Variants in MAL2 observed in about 807,000 individuals in gnomAD.
MAL2 encodes the protein protein MAL2.
A neutral mutation model predicts 18.1 loss-of-function variants in MAL2; 17 were observed. That is an observed-to-expected ratio of 0.94 (90% CI 0.64 to 1.41). MAL2 has a LOEUF of 1.41. Among genes scored for constraint, MAL2 ranks in the 40% most tolerant of loss-of-function variants. The pLI, the probability that MAL2 is intolerant of heterozygous loss-of-function variation, is 0.00. For missense variants in MAL2, 222 were observed against 231.9 expected, an observed-to-expected ratio of 0.96 and a Z score of 0.28; for synonymous variants, 102 against 102.3, an observed-to-expected ratio of 1.00 and a Z score of 0.02.
intron 2 of MAL2, 98 bp from the exon 3 acceptor site, chr8:119,240,067 A>T: frequency 8.0e-7 from 1 of 1,244,086 alleles, no homozygotes; most frequent in Non-Finnish European, 1.1e-6. Context: ...TGTTTAATTA[A>T]ATGTTTTGAT....
intron 2 of MAL2, among the ~76,000 whole-genome samples, chr8:119,229,287 T>C (rs1160913577): frequency 4.0e-5 from 6 of 150,244 alleles, no homozygotes; most frequent in Non-Finnish European, 8.9e-5. Flanking sequence ...TGATCATCAG[T>C]CTATGTATAT....
intron 3 of MAL2, among the ~76,000 whole-genome samples, chr8:119,241,484 C>G (rs924477963): frequency 2.1e-5 from 3 of 145,690 alleles, no homozygotes; most frequent in African/African-American, 8.4e-5. Flanking sequence ...GACCAAGACT[C>G]TGGTCGGGGG....
chr8:119,214,909 G>T (rs1267017035), intron 1 of MAL2, among the ~76,000 whole-genome samples: 1 of 152,154 alleles, frequency 6.6e-6, no homozygotes, highest in Admixed American at 6.5e-5. Context: ...ACACCTTGCT[G>T]CCTTGCATCT....
At chr8:119,230,284 A>C (rs1211348915) in intron 2 of MAL2, among the ~76,000 whole-genome samples, 1 of 152,192 alleles carries the variant, frequency 6.6e-6, no homozygotes, top group Non-Finnish European at 1.5e-5. Context: ...GGATGACCCA[A>C]GCATATGGAG....
intron 2 of MAL2, among the ~76,000 whole-genome samples, chr8:119,226,945 C>T (rs1401842452): frequency 6.6e-6 from 1 of 152,114 alleles, no homozygotes; most frequent in Non-Finnish European, 1.5e-5. Flanking sequence ...TGTGGAAGAC[C>T]TTCTTAACAC....
chr8:119,235,002 A>T (rs1308210649), intron 2 of MAL2, among the ~76,000 whole-genome samples: 1 of 152,000 alleles, frequency 6.6e-6, no homozygotes, highest in Non-Finnish European at 1.5e-5. Context: ...CAGACGATCA[A>T]ATTACTCTGA....
At chr8:119,225,009 T>G (rs1453834558) in intron 2 of MAL2, among the ~76,000 whole-genome samples, 1 of 152,164 alleles carries the variant, frequency 6.6e-6, no homozygotes, top group African/African-American at 2.4e-5. Flanking sequence ...GTCATCCATT[T>G]TTCTTGCTGC....
intron 2 of MAL2, among the ~76,000 whole-genome samples, chr8:119,224,596 A>ATGAAT (rs1354218309): frequency 6.6e-6 from 1 of 151,982 alleles, no homozygotes; most frequent in African/African-American, 2.4e-5. Flanking sequence ...TATTACATGA[A>ATGAAT]TGAATTGCAT....
chr8:119,239,969 A>G (rs1178319638), intron 2 of MAL2, among the ~76,000 whole-genome samples, 196 bp from the exon 3 acceptor site: 4 of 152,220 alleles, frequency 2.6e-5, no homozygotes, highest in East Asian at 1.9e-4. Context: ...CAATGTGCCA[A>G]TTAAGATGGG....
chr8:119,240,416 A>G (rs764826750), intron 3 of MAL2, 96 bp downstream of exon 3: 79 of 1,287,992 alleles, frequency 6.1e-5, no homozygotes, highest in Non-Finnish European at 7.7e-5. Flanking sequence ...GTTTTCTTCA[A>G]TGCTAGCCAT....
chr8:119,240,014 C>T, intron 2 of MAL2, 151 bp from the exon 3 acceptor site: 1 of 849,090 alleles, frequency 1.2e-6, no homozygotes. Context: ...GATAGTCTAA[C>T]ATTTCTAAAG....
At chr8:119,221,473 G>A in intron 1 of MAL2, 114 bp from the exon 2 acceptor site, 1 of 1,284,272 alleles carries the variant, frequency 7.8e-7, no homozygotes, top group Non-Finnish European at 1.1e-6. Flanking sequence ...TGGAATATGT[G>A]CAGGGGTCTG....
Position 119,208,677 on chromosome 8 carries a change from G to A in MAL2, c.132+73G>A. The A allele has an allele frequency of 8.1e-7, 1 of 1,227,316 alleles. No homozygotes were observed. Among genetic ancestry groups the A allele is most frequent in the South Asian group, 3.7e-5 (1 of 27,332 alleles). The allele number at this position is 1,227,316 out of a possible 1,614,324, so 76.0% of individuals were successfully genotyped here. On this transcript the variant is annotated intron_variant, in intron 1 of 3. Coordinates refer to ENST00000614891, the MANE Select transcript of MAL2 (RefSeq NM_052886.3). This position sits in a 1 kb window ranked among gnomAD's most constrained non-coding sequence, Gnocchi z 4.3. ...CGGCGGCATCCTTGTCCCCCGGGCT[G>A]TCTTCCTCTGCGTCCGCCCCCGGCC...
intron 2 of MAL2, among the ~76,000 whole-genome samples, chr8:119,232,666 A>G (rs566132239): frequency 8.5e-5 from 13 of 152,322 alleles, no homozygotes; most frequent in African/African-American, 3.1e-4. Context: ...AAAATCTCTA[A>G]TGATAAAAAT....
At chr8:119,240,426 T>C in intron 3 of MAL2, 106 bp downstream of exon 3, 1 of 1,193,482 alleles carries the variant, frequency 8.4e-7, no homozygotes. Flanking sequence ...ATGCTAGCCA[T>C]TGGCATTAAA....
chr8:119,212,611 G>C lies in MAL2; in HGVS notation c.132+4007G>C, dbSNP rs926445317. Among the ~76,000 whole-genome samples the C allele has an allele frequency of 2.0e-5, 3 of 152,312 alleles. No individual in the cohort carries two copies. In the South Asian group the frequency reaches 6.2e-4, roughly 32 times the overall value. ...ATATAGGTTTATAAAAAGTATTGTG[G>C]AACAGCAGGATAGAGTACATCTGAC... is the stretch of plus-strand genomic sequence containing the variant. On this transcript the variant is annotated intron_variant, in intron 1 of 3. Coordinates refer to ENST00000614891, the MANE Select transcript of MAL2 (RefSeq NM_052886.3).
chr8:119,240,890 T>A (rs113994425), intron 3 of MAL2, among the ~76,000 whole-genome samples: 2,092 of 152,318 alleles, frequency 0.014, 48 homozygotes, highest in African/African-American at 0.048. Flanking sequence ...TTAAATTTTT[T>A]AAATCATCTT....
Position 119,234,003 on chromosome 8 carries a change from A to G in MAL2, c.304-6162A>G, listed in dbSNP as rs1180426817. Among the ~76,000 whole-genome samples the G allele has an allele frequency of 3.9e-5, 6 of 152,190 alleles. No homozygotes were observed. In the South Asian group the frequency reaches 1.2e-3, roughly 32 times the overall value. ...GCTCCAGTCTACAGCTCCCAGCGTGAGTGACGCAGAAGACGGATGATTTCT... is the reference window on the plus strand; with the variant it reads ...GCTCCAGTCTACAGCTCCCAGCGTGGGTGACGCAGAAGACGGATGATTTCT... On this transcript the variant is annotated intron_variant, in intron 2 of 3. Transcript: ENST00000614891.
chr8:119,235,388 A>T (rs994851130), intron 2 of MAL2, among the ~76,000 whole-genome samples: 12 of 152,198 alleles, frequency 7.9e-5, no homozygotes, highest in African/African-American at 2.7e-4. Flanking sequence ...GATATTATCC[A>T]GGAGAACTTC....
Sources: gnomAD v4.1 joint callset for allele counts (sites outside exome capture counted in the v4.1 genomes callset) on GRCh38, gnomAD v4.1.1 for gene constraint, Gnocchi (gnomAD v3.1) non-coding constraint, MANE v1.5 for transcripts, NCBI Gene and HGNC (gene_info 2026-07-23, HGNC 2026-07-21) for gene names.